Variants in EFNA5 observed in about 807,000 individuals in gnomAD.
EFNA5 encodes ephrin A5, also known as ephrin-A5.
A neutral mutation model predicts 22.9 loss-of-function variants in EFNA5; 5 were observed. The observed-to-expected ratio is 0.22, with a 90% CI of 0.11 to 0.46. EFNA5 has a LOEUF of 0.46. Ranked by LOEUF, EFNA5 falls within the 20% of genes least tolerant of loss-of-function variation. EFNA5 has a pLI of 0.99. For missense variants in EFNA5, 237 were observed against 293.3 expected, an observed-to-expected ratio of 0.81 and a Z score of 1.40; for synonymous variants, 113 against 112.2, an observed-to-expected ratio of 1.01 and a Z score of -0.04.
Position 107,469,659 on chromosome 5 carries a change from A to AT in EFNA5, c.126-42151dup, listed in dbSNP as rs1288986210. ...TGAGAGAAGTTACTGCCCCCCCTTT[A>AT]TTTTTTTTTTTTACCACGCACCCAA... On this transcript the variant is annotated intron_variant, in intron 1 of 4. Transcript: ENST00000333274. Among the ~76,000 whole-genome samples the AT allele has an allele frequency of 6.3e-3, 909 of 144,296 alleles. 6 individuals carry two copies. The highest frequency in any genetic ancestry group is 0.019 in the African/African-American group (764 of 39,806). 94.7% of individuals were successfully genotyped at this position (144,296 alleles called of 152,430 possible). A position where few individuals can be genotyped will look rare whatever the true frequency, so the allele number is the denominator to read the frequency against.
At chr5:107,422,683 C>T (rs1241168813) in intron 2 of EFNA5, among the ~76,000 whole-genome samples, 3 of 152,114 alleles carry the variant, frequency 2.0e-5, no homozygotes, top group Non-Finnish European at 2.9e-5. Flanking sequence ...AGTCAGAGGC[C>T]GAGGGAATCA....
At chr5:107,589,341 T>A (rs1749268999) in intron 1 of EFNA5, among the ~76,000 whole-genome samples, 1 of 152,160 alleles carries the variant, frequency 6.6e-6, no homozygotes, top group Non-Finnish European at 1.5e-5. Flanking sequence ...TCCTTTTCTA[T>A]TCAGATCCTA....
At chr5:107,493,473 T>C (rs1482162718) in intron 1 of EFNA5, among the ~76,000 whole-genome samples, 3 of 152,234 alleles carry the variant, frequency 2.0e-5, no homozygotes, top group African/African-American at 7.2e-5. Context: ...CAGCCTGCTT[T>C]TGCAGAAAAG....
intron 4 of EFNA5, among the ~76,000 whole-genome samples, chr5:107,386,827 T>C (rs762888478): frequency 8.5e-5 from 13 of 152,246 alleles, no homozygotes; most frequent in Non-Finnish European, 1.8e-4. Flanking sequence ...ATTACTTTTA[T>C]CTACAGATTT....
rs200273162 is a variant in EFNA5 at position 107,467,201 on chromosome 5, ACT to A, written c.126-39694_126-39693del. 8.0e-3 allele frequency among the ~76,000 whole-genome samples: 1,211 copies of A among 152,296 alleles called. 16 individuals are homozygous for A. The highest frequency in any genetic ancestry group is 0.028 in the African/African-American group (1,168 of 41,566). ...ATCAAATCTCATCACTTAGGGCAGT[ACT>A]TTCAAAGTGAATACCTAGACCTTTA... is the stretch of plus-strand genomic sequence containing the variant. On this transcript the variant is annotated intron_variant, in intron 1 of 4. Coordinates refer to ENST00000333274, the MANE Select transcript of EFNA5 (RefSeq NM_001962.3).
intron 1 of EFNA5, among the ~76,000 whole-genome samples, chr5:107,497,985 G>C (rs571965820): frequency 6.6e-6 from 1 of 152,252 alleles, no homozygotes; most frequent in Non-Finnish European, 1.5e-5. Flanking sequence ...GCGCGATCTC[G>C]GCTTACTGCA....
chr5:107,591,182 C>T (rs1168736403), intron 1 of EFNA5, among the ~76,000 whole-genome samples: 1 of 152,176 alleles, frequency 6.6e-6, no homozygotes, highest in Non-Finnish European at 1.5e-5. Flanking sequence ...CCTCAGCCAA[C>T]ATAGGTATCT....
rs546048089 is a variant in EFNA5 at position 107,641,088 on chromosome 5, T to C, written c.125+29401A>G. Among the ~76,000 whole-genome samples, 10 of 152,242 alleles carry C rather than the reference T, an allele frequency of 6.6e-5. No individual in the cohort carries two copies. The South Asian group carries it at 2.1e-3, about 32-fold the overall frequency. On this transcript the variant is annotated intron_variant, in intron 1 of 4. Coordinates refer to ENST00000333274, the MANE Select transcript of EFNA5 (RefSeq NM_001962.3). ...ATGATTAAAAATAGGCTGGGCACGG[T>C]GGCTCACACCTGTAATCCCAGCACT...
At chr5:107,395,031 G>GTTTTTTTTT (rs1257797158) in intron 2 of EFNA5, among the ~76,000 whole-genome samples, 1 of 28,836 alleles carries the variant, frequency 3.5e-5, no homozygotes, top group African/African-American at 1.3e-4. Flanking sequence ...AGGATTTCTA[G>GTTTTTTTTT]TTCTTTTTTT....
chr5:107,570,348 A>G (rs572149942), intron 1 of EFNA5, among the ~76,000 whole-genome samples: 1 of 152,346 alleles, frequency 6.6e-6, no homozygotes, highest in African/African-American at 2.4e-5. Context: ...TGCCTCCGGA[A>G]ACCTCACTGT....
At chr5:107,386,882 T>C (rs1245204884) in intron 4 of EFNA5, among the ~76,000 whole-genome samples, 1 of 152,204 alleles carries the variant, frequency 6.6e-6, no homozygotes, top group African/African-American at 2.4e-5. Flanking sequence ...TAGAAATGTT[T>C]TGTGTCTTAC....
intron 1 of EFNA5, among the ~76,000 whole-genome samples, chr5:107,522,585 A>AT (rs557735786): frequency 6.6e-6 from 1 of 151,956 alleles, no homozygotes; most frequent in African/African-American, 2.4e-5. Context: ...TAAATTATTT[A>AT]TTTTTTTTAG....
intron 2 of EFNA5, 124 bp from the exon 3 acceptor site, chr5:107,387,895 T>C (rs769344056): frequency 6.1e-6 from 4 of 653,376 alleles, no homozygotes; most frequent in Non-Finnish European, 1.0e-5. Context: ...GAACTTTCTC[T>C]AATTCCTCCT....
At chr5:107,591,071 TA>T (rs1749315004) in intron 1 of EFNA5, among the ~76,000 whole-genome samples, 2 of 151,362 alleles carry the variant, frequency 1.3e-5, no homozygotes, top group South Asian at 4.2e-4. Flanking sequence ...GTGCTGAGAA[TA>T]AATTTTAAAG....
At chr5:107,501,314 A>G (rs964895584) in intron 1 of EFNA5, among the ~76,000 whole-genome samples, 2 of 152,204 alleles carry the variant, frequency 1.3e-5, no homozygotes, top group Non-Finnish European at 2.9e-5. Context: ...AACATCAACT[A>G]TACAATCAAT....
intron 1 of EFNA5, among the ~76,000 whole-genome samples, chr5:107,560,606 C>T (rs1163444687): frequency 6.6e-6 from 1 of 152,172 alleles, no homozygotes; most frequent in Non-Finnish European, 1.5e-5. Context: ...CTTAAATATC[C>T]GTTCTAGTTT....
intron 1 of EFNA5, among the ~76,000 whole-genome samples, chr5:107,491,213 C>T (rs566624560): frequency 3.3e-4 from 51 of 152,346 alleles, no homozygotes; most frequent in African/African-American, 1.2e-3. Context: ...AAGTCCCCAC[C>T]TCCAGGCATA....
intron 1 of EFNA5, among the ~76,000 whole-genome samples, chr5:107,543,706 A>G (rs527946828): frequency 1.2e-5 from 1 of 81,246 alleles, no homozygotes; most frequent in African/African-American, 5.2e-5. Flanking sequence ...CCAAAGTATA[A>G]TTTAAAAAAA....
chr5:107,461,936 C>T (rs746394244), intron 1 of EFNA5, among the ~76,000 whole-genome samples: 21 of 152,204 alleles, frequency 1.4e-4, no homozygotes, highest in African/African-American at 4.6e-4. Flanking sequence ...CAAAGGGCCC[C>T]GAAAGCAGCC....
Sources: allele counts gnomAD v4.1 joint callset (sites outside exome capture counted in the v4.1 genomes callset), GRCh38; gene constraint gnomAD v4.1.1; transcripts MANE v1.5; gene names NCBI Gene and HGNC (gene_info 2026-07-23, HGNC 2026-07-21).